Variants in FMNL2 observed in about 807,000 individuals in gnomAD.
FMNL2 encodes the protein formin-like protein 2.
FMNL2 carries 51 observed loss-of-function variants against 130.2 expected under a neutral mutation model. That is an observed-to-expected ratio of 0.39 (90% CI 0.31 to 0.49). The LOEUF is 0.49. FMNL2 is among the 20% of genes least tolerant of loss of function. The pLI is 0.85. For missense variants in FMNL2, 977 were observed against 1,316.2 expected (o/e 0.74, Z 3.99); for synonymous variants, 465 against 467.1 (o/e 1.00, Z 0.06).
chr2:152,390,811 A>G (rs929640791), intron 1 of FMNL2, among the ~76,000 whole-genome samples: 38 of 152,214 alleles, frequency 2.5e-4, no homozygotes, highest in African/African-American at 9.2e-4. Context: ...TGTCTTCCCC[A>G]GTTGGCCTAC....
At chr2:152,451,636 TAGTC>T (rs1048354175) in intron 1 of FMNL2, among the ~76,000 whole-genome samples, 2 of 152,156 alleles carry the variant, frequency 1.3e-5, no homozygotes, top group African/African-American at 4.8e-5. Context: ...CAGGGTTCTA[TAGTC>T]AGTCAGTGGC....
At chr2:152,455,954 G>T (rs1688931677) in intron 1 of FMNL2, among the ~76,000 whole-genome samples, 1 of 152,184 alleles carries the variant, frequency 6.6e-6, no homozygotes, top group African/African-American at 2.4e-5. Flanking sequence ...AGCCTCAATT[G>T]ATCCTCCCAC....
chr2:152,388,366 C>A (rs1383141137), intron 1 of FMNL2, among the ~76,000 whole-genome samples: 1 of 152,128 alleles, frequency 6.6e-6, no homozygotes, highest in Non-Finnish European at 1.5e-5. Flanking sequence ...AATTTACAAT[C>A]ATGGTGGAAG....
chr2:152,560,117 G>C (rs911361449), intron 5 of FMNL2, among the ~76,000 whole-genome samples: 3 of 149,470 alleles, frequency 2.0e-5, no homozygotes, highest in Non-Finnish European at 4.4e-5. Flanking sequence ...TTGTTCTACT[G>C]TCTGATCAGG....
chr2:152,356,009 A>G (rs547139595), intron 1 of FMNL2, among the ~76,000 whole-genome samples: 1 of 152,376 alleles, frequency 6.6e-6, no homozygotes, highest in South Asian at 2.1e-4. Context: ...CACTCTTGTT[A>G]AAAATAACTT....
intron 1 of FMNL2, among the ~76,000 whole-genome samples, chr2:152,374,972 T>C (rs1351112894): frequency 4.6e-5 from 7 of 152,246 alleles, no homozygotes; most frequent in Admixed American, 1.3e-4. Context: ...GCATTTAGAC[T>C]GAGGTGGTCA....
rs575061041 is a variant in FMNL2, at chr2:152,645,444, G to T, written c.3170-2352G>T. On this transcript the variant is annotated intron_variant, in intron 25 of 25. Transcript: ENST00000288670. ...TTTTTTTCTGTTTAGCCTTAAAGAA[G>T]AATAATATCACTAAATTTCCAAATG... 8.8e-5 allele frequency: 113 copies of T among 1,289,352 alleles called. No individual in the cohort carries two copies. The African/African-American group carries it at 9.0e-4, about 10-fold the overall frequency. The allele number at this position is 1,289,352 out of a possible 1,614,324, so 79.9% of individuals were successfully genotyped here.
At chr2:152,369,624 A>T (rs946686025) in intron 1 of FMNL2, among the ~76,000 whole-genome samples, 13 of 152,242 alleles carry the variant, frequency 8.5e-5, no homozygotes, top group African/African-American at 3.1e-4. Context: ...GGCCACTGAC[A>T]CATGCAACTT....
At chr2:152,500,717 G>A (rs548133038) in intron 1 of FMNL2, among the ~76,000 whole-genome samples, 4 of 152,206 alleles carry the variant, frequency 2.6e-5, no homozygotes, top group African/African-American at 4.8e-5. Flanking sequence ...GTGTGGTGGC[G>A]GGTGCCTGTA....
intron 22 of FMNL2, 116 bp from the exon 23 acceptor site, chr2:152,637,457 C>T (rs1014372524): frequency 1.9e-5 from 15 of 769,580 alleles, no homozygotes; most frequent in African/African-American, 1.2e-4. Context: ...GGTGCAGCAA[C>T]GCAAGGCCAT....
At chr2:152,577,398 G>A (rs982237406) in intron 7 of FMNL2, among the ~76,000 whole-genome samples, 1 of 152,158 alleles carries the variant, frequency 6.6e-6, no homozygotes, top group Non-Finnish European at 1.5e-5. Flanking sequence ...TTCAAATGGT[G>A]ATCTTAGGTG....
rs183792523 is a variant in FMNL2 at position 152,352,835 on chromosome 2, G to C, written c.117+17115G>C. On this transcript the variant is annotated intron_variant, in intron 1 of 25. Transcript: ENST00000288670. ...CTAGTAAAATGGCTGTGTTGTTACAGCTTGAAGGCTGTGTGGTAAGCCTTT... is the reference window on the plus strand; with the variant it reads ...CTAGTAAAATGGCTGTGTTGTTACACCTTGAAGGCTGTGTGGTAAGCCTTT... Among the ~76,000 whole-genome samples the C allele has an allele frequency of 6.1e-4, 70 of 114,948 alleles. 2 individuals are homozygous for C. The East Asian group carries it at 0.015, about 24-fold the overall frequency. 75.4% of individuals were successfully genotyped at this position (114,948 alleles called of 152,430 possible).
intron 9 of FMNL2, among the ~76,000 whole-genome samples, chr2:152,588,097 T>A (rs1178894910): frequency 6.6e-6 from 1 of 152,334 alleles, no homozygotes; most frequent in South Asian, 2.1e-4. Context: ...AACAAATGAC[T>A]ACAAACTTAG....
rs1365489869 is a variant in FMNL2 at position 152,593,860 on chromosome 2, A to AGAGTGTGT, written c.876+12812_876+12813insAGTGTGTG. ...TAGGGAGAGAGAGAGAGAGAGAGAG[A>AGAGTGTGT]GTGTGTGTGTGTGTGTGTGTGTGTG... On this transcript the variant is annotated intron_variant, in intron 9 of 25. Transcript: ENST00000288670. Among the ~76,000 whole-genome samples the AGAGTGTGT allele has an allele frequency of 2.1e-3, 234 of 113,234 alleles. 5 individuals carry two copies. Among genetic ancestry groups the AGAGTGTGT allele is most frequent in the African/African-American group, 7.6e-3 (216 of 28,462 alleles). 74.3% of individuals were successfully genotyped at this position (113,234 alleles called of 152,430 possible).
chr2:152,340,645 A>G (rs1560279477), intron 1 of FMNL2, among the ~76,000 whole-genome samples: 1 of 152,218 alleles, frequency 6.6e-6, no homozygotes. Flanking sequence ...ATATACTCCA[A>G]ATGCGAAACC....
chr2:152,365,494 G>A (rs1683467314), intron 1 of FMNL2, among the ~76,000 whole-genome samples: 1 of 151,900 alleles, frequency 6.6e-6, no homozygotes, highest in Admixed American at 6.6e-5. Flanking sequence ...TGCCATGACC[G>A]GGCGTGGTGG....
At chr2:152,552,503 A>G (rs1288297105) in intron 4 of FMNL2, among the ~76,000 whole-genome samples, 1 of 152,218 alleles carries the variant, frequency 6.6e-6, no homozygotes, top group Non-Finnish European at 1.5e-5. Context: ...TCCCAAGATA[A>G]CATTCTGAGC....
At position 152,643,681 on chromosome 2, in the gene FMNL2, T is replaced by C. The variant is rs1683296361; in HGVS notation, c.3169+2767T>C. The stretch of plus-strand genomic sequence containing the variant: ...CATGCTGCATGGTTTTGCATTTCAA[T>C]TATTATTGCTCACTCACTGGCCACT... On this transcript the variant is annotated intron_variant, in intron 25 of 25. Coordinates refer to ENST00000288670, the MANE Select transcript of FMNL2 (RefSeq NM_052905.4). 8 of 1,436,140 alleles carry C rather than the reference T, an allele frequency of 5.6e-6. No homozygotes were observed. The East Asian group carries it at 2.0e-4, about 36-fold the overall frequency. The allele number at this position is 1,436,140 out of a possible 1,614,324, so 89.0% of individuals were successfully genotyped here.
At chr2:152,640,749 T>C in intron 24 of FMNL2, 42 bp from the exon 25 acceptor site, 1 of 1,599,108 alleles carries the variant, frequency 6.3e-7, no homozygotes, top group Non-Finnish European at 8.5e-7. Context: ...AAACTCCTAA[T>C]GGGTGCTGGC....
Sources: allele counts gnomAD v4.1 joint callset (sites outside exome capture counted in the v4.1 genomes callset), GRCh38; gene constraint gnomAD v4.1.1; transcripts MANE v1.5; gene names NCBI Gene and HGNC (gene_info 2026-07-23, HGNC 2026-07-21).